The following AUTS2 variants were observed in gnomAD, a reference collection of about 807,000 sequenced individuals.
AUTS2 encodes activator of transcription and developmental regulator AUTS2.
Under a neutral mutation model 112.4 loss-of-function variants are expected in AUTS2, and 17 were observed. The ratio of observed to expected loss-of-function variants is 0.15; its 90% CI spans 0.10 to 0.23. The LOEUF (loss-of-function observed/expected upper bound fraction) is 0.23. AUTS2 is among the 10% of genes least tolerant of loss of function. The pLI, the probability that AUTS2 is intolerant of heterozygous loss-of-function variation, is 1.00. For missense variants in AUTS2, 1,510 were observed against 1,701.6 expected (o/e 0.89, Z 1.98); for synonymous variants, 751 against 702.7 (o/e 1.07, Z -1.09).
chr7:70,280,535 A>G (rs113498787), intron 4 of AUTS2, among the ~76,000 whole-genome samples: 2,085 of 147,170 alleles, frequency 0.014, 68 homozygotes, highest in African/African-American at 0.05. Flanking sequence ...TGACCTTGTG[A>G]TCCACCTGCC....
intron 4 of AUTS2, among the ~76,000 whole-genome samples, chr7:70,398,862 G>A (rs1017428541): frequency 7.9e-5 from 12 of 151,484 alleles, no homozygotes; most frequent in East Asian, 1.9e-4. Flanking sequence ...GCCATTTTCC[G>A]TTTGAAAAAG....
chr7:70,249,232 A>G (rs1235475124), intron 4 of AUTS2, among the ~76,000 whole-genome samples: 1 of 151,942 alleles, frequency 6.6e-6, no homozygotes, highest in Non-Finnish European at 1.5e-5. Flanking sequence ...TTTAGGTTGA[A>G]ATTATTTTTT....
chr7:70,740,920 C>G (rs1788066043), intron 6 of AUTS2, among the ~76,000 whole-genome samples: 1 of 151,780 alleles, frequency 6.6e-6, no homozygotes, highest in African/African-American at 2.4e-5. Flanking sequence ...ATGGTAAAAC[C>G]CCATCTCTAC....
intron 1 of AUTS2, among the ~76,000 whole-genome samples, chr7:69,821,720 C>T (rs1028427946): frequency 6.6e-6 from 1 of 151,866 alleles, no homozygotes; most frequent in African/African-American, 2.4e-5. Context: ...CTGTAACATT[C>T]ACCTTGACGT....
At chr7:70,011,386 T>C (rs1799801576) in intron 2 of AUTS2, among the ~76,000 whole-genome samples, 1 of 145,856 alleles carries the variant, frequency 6.9e-6, no homozygotes, top group Non-Finnish European at 1.5e-5. Context: ...CCTTTTCTAC[T>C]CTCCCACTTC....
chr7:70,644,747 C>T (rs537338233), intron 5 of AUTS2, among the ~76,000 whole-genome samples: 1 of 152,312 alleles, frequency 6.6e-6, no homozygotes, highest in African/African-American at 2.4e-5. Context: ...TGAAAGTGCC[C>T]TCTTCCTCCT....
intron 2 of AUTS2, among the ~76,000 whole-genome samples, chr7:70,002,900 G>A (rs997513836): frequency 1.3e-5 from 2 of 151,640 alleles, no homozygotes; most frequent in Non-Finnish European, 2.9e-5. Flanking sequence ...TGAAAATTCA[G>A]TGGATTAAAA....
intron 1 of AUTS2, among the ~76,000 whole-genome samples, chr7:69,672,606 C>A (rs569897950): frequency 2.0e-5 from 3 of 152,244 alleles, no homozygotes; most frequent in African/African-American, 7.2e-5. Context: ...TAGAACATGT[C>A]GAGGAGAGGA....
At chr7:69,606,599 C>G (rs1462190860) in intron 1 of AUTS2, among the ~76,000 whole-genome samples, 1 of 149,826 alleles carries the variant, frequency 6.7e-6, no homozygotes, top group Non-Finnish European at 1.5e-5. Flanking sequence ...TTTTTTTTTT[C>G]TTTCAGAATT....
intron 1 of AUTS2, among the ~76,000 whole-genome samples, chr7:69,857,176 T>A (rs1170875049): frequency 3.3e-5 from 5 of 152,174 alleles, no homozygotes; most frequent in Non-Finnish European, 7.4e-5. Flanking sequence ...CTTAGAGGGC[T>A]CCTCGTCTGC....
chr7:70,707,165 A>AT (rs1490322030), intron 6 of AUTS2, among the ~76,000 whole-genome samples: 6 of 152,248 alleles, frequency 3.9e-5, no homozygotes, highest in African/African-American at 1.4e-4. Context: ...CATACATTCT[A>AT]TCCCCTAATC....
intron 1 of AUTS2, among the ~76,000 whole-genome samples, chr7:69,898,488 C>G (rs192855953): frequency 6.6e-6 from 1 of 152,032 alleles, no homozygotes; most frequent in Admixed American, 6.5e-5. Context: ...TGTCAGTGTC[C>G]GGACACTAAA....
chr7:70,099,645 A>C (rs912316669), intron 2 of AUTS2, among the ~76,000 whole-genome samples: 1 of 152,114 alleles, frequency 6.6e-6, no homozygotes, highest in East Asian at 1.9e-4. Flanking sequence ...GGCATTTTTA[A>C]GGCAGAAAAA....
At chr7:70,002,323 G>T (rs1357072224) in intron 2 of AUTS2, among the ~76,000 whole-genome samples, 1 of 152,112 alleles carries the variant, frequency 6.6e-6, no homozygotes, top group East Asian at 1.9e-4. Flanking sequence ...ATGATTATCA[G>T]TATTCATAAT....
intron 4 of AUTS2, among the ~76,000 whole-genome samples, chr7:70,166,387 A>G (rs1002814049): frequency 7.9e-5 from 12 of 152,220 alleles, no homozygotes; most frequent in African/African-American, 2.7e-4. Flanking sequence ...AGCAAAAATA[A>G]TAATTCTATA....
chr7:69,785,292 A>C (rs1021393985), intron 1 of AUTS2, among the ~76,000 whole-genome samples: 1 of 152,238 alleles, frequency 6.6e-6, no homozygotes, highest in Non-Finnish European at 1.5e-5. Context: ...ATTCAGACTC[A>C]CATAGCTAGA....
chr7:70,792,503 A>G lies in AUTS2; in HGVS notation c.*1507A>G, dbSNP rs1306860036. 6.6e-6 allele frequency: 1 copy of G among 152,076 alleles called. No homozygotes were observed. The highest frequency in any genetic ancestry group is 1.5e-5 in the Non-Finnish European group (1 of 67,912). 9.4% of individuals were successfully genotyped at this position (152,076 alleles called of 1,614,324 possible). ...CTGTTTTTGCAAAAAAAAAAAAAAA[A>G]AAAAGTTAACTACAGACCATTGTTT... On this transcript the variant is annotated 3_prime_UTR_variant, in exon 19 of 19. Coordinates refer to ENST00000342771, the MANE Select transcript of AUTS2 (RefSeq NM_015570.4).
At chr7:70,402,972 C>G (rs747730358) in intron 4 of AUTS2, among the ~76,000 whole-genome samples, 52 of 152,046 alleles carry the variant, frequency 3.4e-4, no homozygotes, top group Non-Finnish European at 1.0e-4. Context: ...TGCTTTTTTC[C>G]TCATTAAAAT....
In AUTS2 at chr7:69,922,723, G is replaced by A. The variant is rs191767862; in HGVS notation, c.522+23225G>A. ...TCTTAGTGAAGATCATTTACTTATA[G>A]AGTGTATGCATTATATTAGCATATG... On this transcript the variant is annotated intron_variant, in intron 2 of 18. Coordinates refer to ENST00000342771, the MANE Select transcript of AUTS2 (RefSeq NM_015570.4). Among the ~76,000 whole-genome samples the A allele has an allele frequency of 1.2e-3, 184 of 152,264 alleles. 2 individuals carry two copies. The highest frequency in any genetic ancestry group is 4.2e-3 in the Admixed American group (65 of 15,298).
Sources: allele counts gnomAD v4.1 joint callset (sites outside exome capture counted in the v4.1 genomes callset), GRCh38; gene constraint gnomAD v4.1.1; transcripts MANE v1.5; gene names NCBI Gene and HGNC (gene_info 2026-07-23, HGNC 2026-07-21).